Variants in CACNA1C observed in about 807,000 individuals in gnomAD.
CACNA1C encodes the protein voltage-dependent L-type calcium channel subunit alpha-1C.
In CACNA1C, 30 loss-of-function variants were observed where a neutral mutation model predicts 229.0. The observed-to-expected ratio is 0.13, with a 90% CI of 0.10 to 0.18. CACNA1C has a LOEUF of 0.18. CACNA1C is among the 10% of genes least tolerant of loss of function. The probability of loss-of-function intolerance (pLI) is 1.00; values close to 1 mark genes in which losing one functional copy is unlikely to be tolerated. For synonymous variants in CACNA1C, 1,114 were observed against 1,132.5 expected (o/e 0.98, Z 0.33); for missense variants, 1,658 against 2,845.0 (o/e 0.58, Z 9.49).
chr12:2,585,545 G>T lies in CACNA1C; in HGVS notation c.2460+49G>T. 6.6e-7 allele frequency: 1 copy of T among 1,504,794 alleles called. No individual in the cohort carries two copies. The highest frequency in any genetic ancestry group is 1.3e-5 in the South Asian group (1 of 75,274). 93.2% of individuals were successfully genotyped at this position (1,504,794 alleles called of 1,614,324 possible). On this transcript the variant is annotated intron_variant, in intron 17 of 46. Coordinates refer to ENST00000399655, the MANE Select transcript of CACNA1C (RefSeq NM_000719.7). This position sits in a 1 kb window ranked among gnomAD's most constrained non-coding sequence, Gnocchi z 4.1. ...AGCTGTGAGGCCGGTGCTGGGGAGG[G>T]AGGGCCACAGCCTTCCCAGGCCAGA...
chr12:2,377,733 CAAGA>C (rs1239000640), intron 3 of CACNA1C, among the ~76,000 whole-genome samples: 3 of 152,172 alleles, frequency 2.0e-5, no homozygotes, highest in Admixed American at 6.5e-5. Flanking sequence ...GTGAGGTTCA[CAAGA>C]ATGTTGTGGC....
intron 3 of CACNA1C, among the ~76,000 whole-genome samples, chr12:2,376,886 G>GCCACACAAAGCATGCTCGCTACGC (rs2098086158): frequency 6.6e-6 from 1 of 152,164 alleles, no homozygotes; most frequent in African/African-American, 2.4e-5. Context: ...GAACCCCTGC[G>GCCACACAAAGCATGCTCGCTACGC]CCACACAAAG....
At chr12:2,325,299 G>C (rs138009497) in intron 3 of CACNA1C, among the ~76,000 whole-genome samples, 2 of 152,298 alleles carry the variant, frequency 1.3e-5, no homozygotes, top group East Asian at 3.9e-4. Context: ...AATTATCCAA[G>C]AAACTCTCTG....
At chr12:2,231,713 C>T (rs1399889320) in intron 3 of CACNA1C, among the ~76,000 whole-genome samples, 3 of 152,082 alleles carry the variant, frequency 2.0e-5, no homozygotes, top group African/African-American at 7.2e-5. Flanking sequence ...CCTAATTGTT[C>T]GCTAGGCATG....
At chr12:2,558,045 G>A (rs1331192344) in intron 11 of CACNA1C, among the ~76,000 whole-genome samples, 1 of 152,224 alleles carries the variant, frequency 6.6e-6, no homozygotes, top group Admixed American at 6.5e-5. Context: ...CATGGCAGGA[G>A]CATAGAGAAA....
At chr12:2,509,611 G>T (rs1393250818) in intron 8 of CACNA1C, among the ~76,000 whole-genome samples, 1 of 152,310 alleles carries the variant, frequency 6.6e-6, no homozygotes, top group African/African-American at 2.4e-5. Context: ...TTTAATGCAC[G>T]TGTTTTCTCT....
chr12:1,984,546 C>G (rs1041909639), intron 1 of CACNA1C, among the ~76,000 whole-genome samples: 10 of 151,934 alleles, frequency 6.6e-5, no homozygotes, highest in African/African-American at 2.4e-4. Context: ...TCACATGTAT[C>G]ACATCCGTAT....
intron 3 of CACNA1C, among the ~76,000 whole-genome samples, chr12:2,137,999 C>A (rs1399976877): frequency 6.6e-6 from 1 of 151,584 alleles, no homozygotes; most frequent in African/African-American, 2.4e-5. Flanking sequence ...CTGGGTCTAG[C>A]TGAACTCTGG....
At chr12:2,255,784 T>C (rs1254203296) in intron 3 of CACNA1C, among the ~76,000 whole-genome samples, 2 of 4,992 alleles carry the variant, frequency 4.0e-4, no homozygotes, top group Admixed American at 2.5e-3. Context: ...TTAAACAAAA[T>C]AGACCTGACC....
At chr12:2,366,416 T>C (rs927654760) in intron 3 of CACNA1C, among the ~76,000 whole-genome samples, 2 of 152,166 alleles carry the variant, frequency 1.3e-5, no homozygotes, top group Non-Finnish European at 2.9e-5. Context: ...ATATAAGAAA[T>C]TGCCTATATA....
chr12:2,550,597 C>A (rs746679026), intron 10 of CACNA1C: 1 of 1,351,452 alleles, frequency 7.4e-7, no homozygotes, highest in South Asian at 1.1e-5. Context: ...TGGGGTGTCA[C>A]GACTGTAAAC....
At chr12:2,187,223 G>A (rs975261656) in intron 3 of CACNA1C, among the ~76,000 whole-genome samples, 1 of 152,194 alleles carries the variant, frequency 6.6e-6, no homozygotes, top group Admixed American at 6.5e-5. Context: ...GGTCAGAGAG[G>A]TTAAATGATT....
At chr12:2,350,314 G>A (rs971168087) in intron 3 of CACNA1C, among the ~76,000 whole-genome samples, 3 of 152,222 alleles carry the variant, frequency 2.0e-5, no homozygotes, top group African/African-American at 7.2e-5. Flanking sequence ...TGGGCCAGAT[G>A]CTGCTGAAGC....
chr12:2,607,024 C>T lies in CACNA1C; in HGVS notation c.3250C>T (p.Pro1084Ser). 6.2e-7 allele frequency: 1 copy of T among 1,613,960 alleles called. No homozygotes were observed. Among genetic ancestry groups the T allele is most frequent in the Non-Finnish European group, 8.5e-7 (1 of 1,179,884 alleles). The change falls in exon 26 of 47, where the codon CCC becomes TCC. Residue 1084 changes from proline (P) to serine (S), a missense_variant. This residue lies in a region of CACNA1C where 77 missense variants were observed against 130.9 expected (regional missense o/e 0.59). Transcript: ENST00000399655. The stretch of plus-strand genomic sequence containing the variant: ...GTACAAAGACGGGGAGGTTGACCAC[C>T]CCATCATCCAACCCCGCAGCTGGGA... ...ITYKDGEVDH[P>S]IIQPRSWENS...
At chr12:2,064,842 A>G (rs897646472) in intron 1 of CACNA1C, among the ~76,000 whole-genome samples, 2 of 152,146 alleles carry the variant, frequency 1.3e-5, no homozygotes, top group East Asian at 1.9e-4. Flanking sequence ...CTGTCTTAGC[A>G]TGTTGAACTC....
intron 3 of CACNA1C, among the ~76,000 whole-genome samples, chr12:2,258,020 T>G (rs973526950): frequency 3.3e-5 from 5 of 152,202 alleles, no homozygotes; most frequent in Non-Finnish European, 7.3e-5. Context: ...TAGGCAGAGG[T>G]TTGAGAACCA....
Position 2,582,935 on chromosome 12 carries a change from T to C in CACNA1C, c.2217T>C (p.Cys739=), listed in dbSNP as rs1212793629. 1.9e-6 allele frequency: 3 copies of C among 1,569,038 alleles called. No individual in the cohort carries two copies. Among genetic ancestry groups the C allele is most frequent in the Middle Eastern group, 1.7e-4 (1 of 5,778 alleles). Residue 739 remains cysteine, a synonymous_variant, in exon 15 of 47, where the codon TGT becomes TGC. Transcript: ENST00000399655. ...TTTACTTCATCATCCTCTTCATCTG[T>C]GGAAACTGTATCCTTTGCTGCTGCC... is the stretch of plus-strand genomic sequence containing the variant. ...VCIYFIILFI[C]GNYILLNVFL...
intron 3 of CACNA1C, among the ~76,000 whole-genome samples, chr12:2,370,144 A>G (rs1380310642): frequency 6.6e-6 from 1 of 152,260 alleles, no homozygotes; most frequent in Non-Finnish European, 1.5e-5. Flanking sequence ...CTAGTAAAAT[A>G]GAAACATAAA....
chr12:2,691,261 A>G lies in CACNA1C; in HGVS notation c.*62A>G. ...TCAATGTTCCTAATGGGTTCGTTTC[A>G]GAAGTGCCTCACTGTTCTCGTGACC... On this transcript the variant is annotated 3_prime_UTR_variant, in exon 47 of 47. Coordinates refer to ENST00000399655, the MANE Select transcript of CACNA1C (RefSeq NM_000719.7). The G allele has an allele frequency of 7.0e-7, 1 of 1,435,688 alleles. No individual in the cohort carries two copies. The highest frequency in any genetic ancestry group is 9.3e-7 in the Non-Finnish European group (1 of 1,079,694). The allele number at this position is 1,435,688 out of a possible 1,614,324, so 88.9% of individuals were successfully genotyped here.
Sources: allele counts gnomAD v4.1 joint callset (sites outside exome capture counted in the v4.1 genomes callset), GRCh38; gene constraint gnomAD v4.1.1; regional missense constraint gnomAD v4.1.1; non-coding constraint Gnocchi (gnomAD v3.1); transcripts MANE v1.5; gene names NCBI Gene and HGNC (gene_info 2026-07-23, HGNC 2026-07-21).